ASAP1: variants seen among roughly 807,000 people sequenced by gnomAD.
ASAP1 encodes the protein ArfGAP with SH3 domain, ankyrin repeat and PH domain 1.
ASAP1 carries 43 observed loss-of-function variants against 145.2 expected under a neutral mutation model. The observed-to-expected ratio is 0.30, with a 90% CI of 0.23 to 0.38. The LOEUF (loss-of-function observed/expected upper bound fraction) is 0.38, where lower values mean the gene tolerates loss of function less well. Among genes scored for constraint, ASAP1 ranks in the 10% least tolerant of loss-of-function variants. The pLI, the probability that ASAP1 is intolerant of heterozygous loss-of-function variation, is 1.00. For missense variants in ASAP1, 1,018 were observed against 1,355.3 expected, an observed-to-expected ratio of 0.75 and a Z score of 3.91; for synonymous variants, 546 against 515.5, an observed-to-expected ratio of 1.06 and a Z score of -0.80.
At chr8:130,395,736 G>C (rs1370501834) in intron 2 of ASAP1, among the ~76,000 whole-genome samples, 1 of 151,516 alleles carries the variant, frequency 6.6e-6, no homozygotes, top group East Asian at 1.9e-4. Context: ...ATGTGACCTC[G>C]GCTCACTGCA....
intron 27 of ASAP1, 38 bp downstream of exon 27, chr8:130,076,310 C>T: frequency 6.5e-7 from 1 of 1,543,250 alleles, no homozygotes; most frequent in Non-Finnish European, 8.9e-7. Flanking sequence ...GGTAGTGACA[C>T]TTTAATTACA....
chr8:130,348,574 G>A (rs538559317), intron 3 of ASAP1, among the ~76,000 whole-genome samples: 2 of 152,304 alleles, frequency 1.3e-5, no homozygotes, highest in South Asian at 2.1e-4. Context: ...ATTCTGTTAA[G>A]ACCAAGTAGA....
intron 2 of ASAP1, among the ~76,000 whole-genome samples, chr8:130,390,166 C>G (rs1278331447): frequency 6.6e-6 from 1 of 152,208 alleles, no homozygotes; most frequent in Non-Finnish European, 1.5e-5. Flanking sequence ...ACTATTACCT[C>G]GCTTTACCTC....
chr8:130,428,956 T>G (rs1423620737), intron 1 of ASAP1, among the ~76,000 whole-genome samples: 1 of 152,230 alleles, frequency 6.6e-6, no homozygotes, highest in Non-Finnish European at 1.5e-5. Flanking sequence ...CCACACCCTC[T>G]CCGGTTCTTC....
rs73427346 is a variant in ASAP1 at position 130,245,008 on chromosome 8, C to G, written c.187-8014G>C. On this transcript the variant is annotated intron_variant, in intron 3 of 29. Transcript: ENST00000518721. ...GAGTGCTAAGAATCATCCTGTGTAA[C>G]AACACCCACAGTTAGTGGGGTTCAA... 3.0e-3 allele frequency among the ~76,000 whole-genome samples: 455 copies of G among 152,238 alleles called. 2 individuals are homozygous for G. The highest frequency in any genetic ancestry group is 0.01 in the African/African-American group (424 of 41,544).
At chr8:130,235,678 A>T (rs1165711380) in intron 4 of ASAP1, among the ~76,000 whole-genome samples, 1 of 152,214 alleles carries the variant, frequency 6.6e-6, no homozygotes, top group Non-Finnish European at 1.5e-5. Context: ...ATTAGGGAGC[A>T]AAATGAAGGC....
intron 18 of ASAP1, among the ~76,000 whole-genome samples, chr8:130,122,467 C>T (rs1052399178): frequency 3.9e-5 from 6 of 152,206 alleles, no homozygotes; most frequent in African/African-American, 1.4e-4. Context: ...TTATACAGCA[C>T]TTACTACAGA....
intron 24 of ASAP1, among the ~76,000 whole-genome samples, chr8:130,093,666 C>CAAAAAAAAA (rs71572317): frequency 0.011 from 573 of 52,182 alleles, 75 homozygotes; most frequent in East Asian, 0.015. Flanking sequence ...GACTCCGTCT[C>CAAAAAAAAA]AAAAAAAAAA....
At chr8:130,088,634 T>TA (rs1196795503) in intron 25 of ASAP1, among the ~76,000 whole-genome samples, 2 of 152,188 alleles carry the variant, frequency 1.3e-5, no homozygotes. Flanking sequence ...TTTGGACCTC[T>TA]AGCTTCTAAT....
intron 5 of ASAP1, among the ~76,000 whole-genome samples, chr8:130,212,234 T>G (rs1816630474): frequency 6.6e-6 from 1 of 152,248 alleles, no homozygotes; most frequent in Admixed American, 6.5e-5. Flanking sequence ...TTCTTCTACT[T>G]GGCTCCCTCA....
chr8:130,257,263 C>T lies in ASAP1; in HGVS notation c.187-20269G>A, dbSNP rs1220452424. Reference sequence around the variant, plus strand: ...ATGTCAAGCAACATTTTACTATCTACACAACCCAGAGATTCACCAAATTAC... The same window carrying T: ...ATGTCAAGCAACATTTTACTATCTATACAACCCAGAGATTCACCAAATTAC... On this transcript the variant is annotated intron_variant, in intron 3 of 29. Coordinates refer to ENST00000518721, the MANE Select transcript of ASAP1 (RefSeq NM_018482.4). 3.3e-5 allele frequency among the ~76,000 whole-genome samples: 5 copies of T among 152,238 alleles called. No homozygotes were observed. The East Asian group carries it at 9.6e-4, about 29-fold the overall frequency.
At chr8:130,298,883 CAT>C (rs1303195873) in intron 3 of ASAP1, among the ~76,000 whole-genome samples, 1 of 152,160 alleles carries the variant, frequency 6.6e-6, no homozygotes. Context: ...CCTGTTTATT[CAT>C]ATGTCTGCCC....
At chr8:130,290,224 G>A (rs2066999184) in intron 3 of ASAP1, among the ~76,000 whole-genome samples, 1 of 152,112 alleles carries the variant, frequency 6.6e-6, no homozygotes, top group Admixed American at 6.6e-5. Context: ...TTCTCTTAAG[G>A]CTCGCATATT....
At chr8:130,196,676 C>T (rs1438531690) in intron 5 of ASAP1, among the ~76,000 whole-genome samples, 2 of 152,232 alleles carry the variant, frequency 1.3e-5, no homozygotes, top group Non-Finnish European at 2.9e-5. Flanking sequence ...TTGACATTCC[C>T]TCTCCACTGC....
Position 130,136,976 on chromosome 8 carries a change from G to A in ASAP1, c.1143C>T (p.Asp381=). The stretch of plus-strand genomic sequence containing the variant: ...GTGATATCAGGTCAAAAGATTTTTT[G>A]TCTTCGGCATTAGGTTTTACTTGGC... ...LTCQVKPNAE[D]KKSFDLISHN... The change falls in exon 14 of 30, where the codon GAC becomes GAT. Residue 381 remains aspartate (D), a synonymous_variant. Transcript: ENST00000518721. 6.2e-7 allele frequency: 1 copy of A among 1,614,206 alleles called. No homozygotes were observed. Among genetic ancestry groups the A allele is most frequent in the Middle Eastern group, 1.6e-4 (1 of 6,062 alleles).
intron 1 of ASAP1, among the ~76,000 whole-genome samples, chr8:130,423,034 C>A (rs1829782199): frequency 6.6e-6 from 1 of 152,160 alleles, no homozygotes; most frequent in Non-Finnish European, 1.5e-5. Flanking sequence ...TATGTATAAG[C>A]ACAGTACCAA....
At chr8:130,072,824 T>TGTGCGCGCGCGCGCGCGCGC in intron 27 of ASAP1, among the ~76,000 whole-genome samples, 7 of 32,294 alleles carry the variant, frequency 2.2e-4, no homozygotes, top group South Asian at 1.7e-3. Flanking sequence ...TGTGTGTGTG[T>TGTGCGCGCGCGCGCGCGCGC]GCGCGCGGGG....
chr8:130,174,018 G>A (rs1391310499), intron 9 of ASAP1, among the ~76,000 whole-genome samples: 2 of 148,672 alleles, frequency 1.3e-5, no homozygotes, highest in East Asian at 4.0e-4. Context: ...AACCCAGTAG[G>A]TGGAGGGTGC....
intron 2 of ASAP1, among the ~76,000 whole-genome samples, chr8:130,391,140 T>C (rs1318047924): frequency 6.6e-6 from 1 of 151,280 alleles, no homozygotes; most frequent in Admixed American, 6.6e-5. Flanking sequence ...ATAATAAGGA[T>C]GAACCTTGAG....
Sources: gnomAD v4.1 joint callset for allele counts (sites outside exome capture counted in the v4.1 genomes callset) on GRCh38, gnomAD v4.1.1 for gene constraint, MANE v1.5 for transcripts, NCBI Gene and HGNC (gene_info 2026-07-23, HGNC 2026-07-21) for gene names.